Variants in DPP6 observed in about 807,000 individuals in gnomAD.
The protein encoded by DPP6 is dipeptidyl peptidase like 6, also known as A-type potassium channel modulatory protein DPP6.
DPP6 carries 69 observed loss-of-function variants against 122.6 expected under a neutral mutation model. That is an observed-to-expected ratio of 0.56 (90% confidence interval 0.46 to 0.69). The LOEUF is 0.69. DPP6 is among the 30% of genes least tolerant of loss of function. The probability of loss-of-function intolerance (pLI) is 0.00; values close to 1 mark genes in which losing one functional copy is unlikely to be tolerated. For missense variants in DPP6, 928 were observed against 1,116.9 expected (o/e 0.83, Z 2.41); for synonymous variants, 418 against 433.1 (o/e 0.97, Z 0.43).
chr7:154,822,856 C>T (rs1405478755), intron 16 of DPP6, among the ~76,000 whole-genome samples: 1 of 152,192 alleles, frequency 6.6e-6, no homozygotes, highest in East Asian at 1.9e-4. Context: ...TTTTCAGATG[C>T]CCATCTTCTC....
At chr7:154,637,111 G>C (rs544408928) in intron 5 of DPP6, among the ~76,000 whole-genome samples, 1 of 152,056 alleles carries the variant, frequency 6.6e-6, no homozygotes, top group Admixed American at 6.6e-5. Context: ...GGTAACCCTC[G>C]AATTCTGCTT....
intron 8 of DPP6, among the ~76,000 whole-genome samples, chr7:154,763,059 C>T (rs74303481): frequency 0.011 from 1,632 of 152,314 alleles, 23 homozygotes; most frequent in South Asian, 0.029. Context: ...CAGCTGGGTG[C>T]GGTGGCTCAC....
At position 154,257,708 on chromosome 7, in the gene DPP6, CAAAT is replaced by C. The variant is rs34222497; in HGVS notation, c.244-188495_244-188492del. On this transcript the variant is annotated intron_variant, in intron 1 of 25. Transcript: ENST00000377770. ...GTGAAAACTCCATTTCAAAAATAAA[CAAAT>C]AAATAAATAATAAACAGAATATGCA... Among the ~76,000 whole-genome samples, 7 of 151,714 alleles carry C rather than the reference CAAAT, an allele frequency of 4.6e-5. No individual in the cohort carries two copies. The South Asian group carries it at 1.0e-3, about 23-fold the overall frequency.
chr7:154,889,376 T>C, intron 24 of DPP6, 32 bp downstream of exon 24: 2 of 1,610,524 alleles, frequency 1.2e-6, no homozygotes, highest in Non-Finnish European at 1.7e-6. Context: ...TCACTGTGTA[T>C]CTAGTAAGAG....
At position 154,241,083 on chromosome 7, in the gene DPP6, A is replaced by C. The variant is rs1180770246; in HGVS notation, c.243+188020A>C. ...TGAAGTTCCGTTGATAAATAAATTG[A>C]TGAAAACCTTTTTTCTTACCATGTA... On this transcript the variant is annotated intron_variant, in intron 1 of 25. Transcript: ENST00000377770. This position sits in a 1 kb window ranked among gnomAD's most constrained non-coding sequence, Gnocchi z 9.0. Among the ~76,000 whole-genome samples the C allele has an allele frequency of 6.6e-6, 1 of 151,892 alleles. No individual in the cohort carries two copies. Among genetic ancestry groups the C allele is most frequent in the Non-Finnish European group, 1.5e-5 (1 of 68,028 alleles).
chr7:154,079,943 C>T (rs1035576739), intron 1 of DPP6, among the ~76,000 whole-genome samples: 1 of 151,380 alleles, frequency 6.6e-6, no homozygotes, highest in African/African-American at 2.4e-5. Context: ...AGTCAGGGAC[C>T]TGGAGAAACA....
chr7:154,116,381 C>A (rs1053509175), intron 1 of DPP6, among the ~76,000 whole-genome samples: 1 of 152,166 alleles, frequency 6.6e-6, no homozygotes, highest in African/African-American at 2.4e-5. Flanking sequence ...TTTGAATACA[C>A]CCCTTGCTCA....
intron 1 of DPP6, among the ~76,000 whole-genome samples, chr7:154,016,100 A>G (rs764948049): frequency 3.9e-5 from 6 of 151,954 alleles, no homozygotes; most frequent in Non-Finnish European, 8.8e-5. Flanking sequence ...TCTCTCATAG[A>G]TCTTCCCGCC....
intron 6 of DPP6, among the ~76,000 whole-genome samples, chr7:154,665,216 T>C (rs1415256193): frequency 6.6e-6 from 1 of 152,214 alleles, no homozygotes; most frequent in Non-Finnish European, 1.5e-5. Context: ...CATAAATGAT[T>C]ATTTGTCCTT....
At chr7:154,464,693 T>C (rs1821633942) in intron 2 of DPP6, among the ~76,000 whole-genome samples, 1 of 152,354 alleles carries the variant, frequency 6.6e-6, no homozygotes, top group South Asian at 2.1e-4. Context: ...TTACAATTGG[T>C]CTATTGATAT....
chr7:154,082,927 C>A (rs1804135790), intron 1 of DPP6, among the ~76,000 whole-genome samples: 2 of 148,524 alleles, frequency 1.3e-5, no homozygotes, highest in African/African-American at 5.0e-5. Context: ...CAGCTCACTG[C>A]AAGCTCTGTC....
Position 154,875,139 on chromosome 7 carries a change from G to A in DPP6, c.1884-767G>A, listed in dbSNP as rs1172839811. Among the ~76,000 whole-genome samples, 2 of 151,824 alleles carry A rather than the reference G, an allele frequency of 1.3e-5. No homozygotes were observed. Among genetic ancestry groups the A allele is most frequent in the East Asian group, 3.9e-4 (2 of 5,134 alleles). On this transcript the variant is annotated intron_variant, in intron 19 of 25. Transcript: ENST00000377770. This position sits in a 1 kb window ranked among gnomAD's most constrained non-coding sequence, Gnocchi z 4.5. ...AAAAGAAGAAAAGAAAAGAAAGAGA[G>A]AGAGAGAAGGAAAGAAGGAGGGGAG...
rs1554498771 is a variant in DPP6, at chr7:154,241,185, ATG to A, written c.243+188156_243+188157del. Among the ~76,000 whole-genome samples the A allele has an allele frequency of 4.5e-3, 618 of 136,288 alleles. 5 individuals carry two copies. Among genetic ancestry groups the A allele is most frequent in the African/African-American group, 0.015 (541 of 35,778 alleles). 89.4% of individuals were successfully genotyped at this position (136,288 alleles called of 152,430 possible). On this transcript the variant is annotated intron_variant, in intron 1 of 25. Transcript: ENST00000377770. The surrounding 1 kb of genome is among the most constrained non-coding windows in gnomAD (Gnocchi z 9.0). The stretch of plus-strand genomic sequence containing the variant: ...GCACAGTAGGTAATTCAATATCAAT[ATG>A]TGTGTGTGTGTGTGTGTGTGTGTGT...
At chr7:154,440,109 G>A (rs11981812) in intron 1 of DPP6, among the ~76,000 whole-genome samples, 32,003 of 152,060 alleles carry the variant, frequency 0.21, 3,657 homozygotes, top group Middle Eastern at 0.29. Flanking sequence ...GCCAGTCCTC[G>A]AAAGTTGGGC....
intron 3 of DPP6, among the ~76,000 whole-genome samples, chr7:154,514,809 C>G (rs929210269): frequency 6.6e-6 from 1 of 152,138 alleles, no homozygotes; most frequent in Non-Finnish European, 1.5e-5. Context: ...TTGGATGGCG[C>G]CTACTTTTTG....
chr7:154,837,786 C>T (rs1002229866), intron 16 of DPP6, among the ~76,000 whole-genome samples: 14 of 152,280 alleles, frequency 9.2e-5, no homozygotes, highest in African/African-American at 2.9e-4. Context: ...AACTAAACCA[C>T]GTTTACTCTA....
upstream of DPP6, among the ~76,000 whole-genome samples, chr7:154,052,265 G>A (rs546629465): frequency 2.6e-5 from 4 of 152,076 alleles, no homozygotes; most frequent in Non-Finnish European, 4.4e-5. The surrounding 1 kb of genome is among the most constrained non-coding windows in gnomAD (Gnocchi z 4.8). Context: ...TGCCCTCTCC[G>A]GGCTGCCAAC....
At chr7:154,711,020 A>G (rs567283195) in intron 7 of DPP6, among the ~76,000 whole-genome samples, 1 of 152,370 alleles carries the variant, frequency 6.6e-6, no homozygotes, top group Admixed American at 6.5e-5. Context: ...TAGCTTGATC[A>G]GGAAATGTGA....
intron 1 of DPP6, among the ~76,000 whole-genome samples, chr7:154,303,824 C>T (rs1806076103): frequency 1.3e-5 from 2 of 152,164 alleles, no homozygotes; most frequent in South Asian, 4.1e-4. Context: ...TAGAGGTGAC[C>T]AGCCACTCTG....
Sources: gnomAD v4.1 joint callset for allele counts (sites outside exome capture counted in the v4.1 genomes callset) on GRCh38, gnomAD v4.1.1 for gene constraint, Gnocchi (gnomAD v3.1) non-coding constraint, MANE v1.5 for transcripts, NCBI Gene and HGNC (gene_info 2026-07-23, HGNC 2026-07-21) for gene names.